RPS6KC1: variants seen among roughly 807,000 people sequenced by gnomAD.
The protein encoded by RPS6KC1 is inactive ribosomal protein S6 kinase delta-1.
RPS6KC1 carries 54 observed loss-of-function variants against 103.8 expected under a neutral mutation model. That is an observed-to-expected ratio of 0.52 (90% CI 0.42 to 0.65). RPS6KC1 has a LOEUF of 0.65. Among genes scored for constraint, RPS6KC1 ranks in the 30% least tolerant of loss-of-function variants. The pLI is 0.00. For missense variants in RPS6KC1, 1,151 were observed against 1,253.8 expected, an observed-to-expected ratio of 0.92 and a Z score of 1.24; for synonymous variants, 439 against 438.7, an observed-to-expected ratio of 1.00 and a Z score of -0.01.
the RPS6KC1 span, among the ~76,000 whole-genome samples, chr1:213,554,501 T>G: frequency 6.6e-6 from 1 of 152,234 alleles, no homozygotes; most frequent in Non-Finnish European, 1.5e-5. Context: ...ACTGGCTATT[T>G]GGGCACTTTT....
the RPS6KC1 span, among the ~76,000 whole-genome samples, chr1:213,677,903 G>A: frequency 6.6e-6 from 1 of 152,038 alleles, no homozygotes; most frequent in East Asian, 1.9e-4. Context: ...CTACTCGGGA[G>A]GCTGAGGCAG....
At chr1:213,417,007 G>C in the RPS6KC1 span, among the ~76,000 whole-genome samples, 189 of 152,282 alleles carry the variant, frequency 1.2e-3, no homozygotes, top group African/African-American at 4.3e-3. Flanking sequence ...TGTGCACTTT[G>C]GGGCAAAGTG....
the RPS6KC1 span, among the ~76,000 whole-genome samples, chr1:213,366,113 C>G: frequency 6.6e-6 from 1 of 152,244 alleles, no homozygotes; most frequent in Non-Finnish European, 1.5e-5. Context: ...GGGTCTCTCC[C>G]TGCTTGTCCA....
chr1:213,436,898 G>C, the RPS6KC1 span, among the ~76,000 whole-genome samples: 1 of 152,152 alleles, frequency 6.6e-6, no homozygotes, highest in African/African-American at 2.4e-5. Flanking sequence ...TATTTTATCT[G>C]TGGATTATTT....
At chr1:213,775,160 T>C in the RPS6KC1 span, among the ~76,000 whole-genome samples, 1 of 152,236 alleles carries the variant, frequency 6.6e-6, no homozygotes, top group South Asian at 2.1e-4. Context: ...CAATACATTG[T>C]GTATAATCCC....
the RPS6KC1 span, among the ~76,000 whole-genome samples, chr1:213,448,038 T>C: frequency 1.3e-5 from 2 of 151,932 alleles, no homozygotes; most frequent in East Asian, 3.9e-4. Context: ...GTTTGAGACC[T>C]GCCTGGGAAT....
intron 6 of RPS6KC1, among the ~76,000 whole-genome samples, chr1:213,152,283 T>C (rs1572872939): frequency 8.6e-6 from 1 of 116,136 alleles, no homozygotes; most frequent in Admixed American, 9.2e-5. Flanking sequence ...GGGGGGCTGA[T>C]CCCCCTACCT....
the RPS6KC1 span, among the ~76,000 whole-genome samples, chr1:213,622,576 G>A: frequency 1.3e-5 from 2 of 151,998 alleles, no homozygotes; most frequent in South Asian, 2.1e-4. Context: ...CACAGCTCAC[G>A]ACTCCTGAGC....
chr1:213,433,687 A>G, the RPS6KC1 span, among the ~76,000 whole-genome samples: 1 of 152,236 alleles, frequency 6.6e-6, no homozygotes, highest in African/African-American at 2.4e-5. Context: ...GTATAGTGCC[A>G]TCTCATTGTG....
At chr1:213,113,296 C>A (rs1368203373) in intron 4 of RPS6KC1, among the ~76,000 whole-genome samples, 1 of 152,014 alleles carries the variant, frequency 6.6e-6, no homozygotes, top group Non-Finnish European at 1.5e-5. Flanking sequence ...TTTTGATTTG[C>A]ATTTCTCTGA....
chr1:213,506,797 T>C, the RPS6KC1 span, among the ~76,000 whole-genome samples: 1 of 152,196 alleles, frequency 6.6e-6, no homozygotes, highest in African/African-American at 2.4e-5. Flanking sequence ...ATTGTGGCCT[T>C]AGATCAGTCC....
intron 9 of RPS6KC1, among the ~76,000 whole-genome samples, chr1:213,230,835 CAA>C (rs760471422): frequency 1.6e-4 from 9 of 54,686 alleles, no homozygotes; most frequent in Non-Finnish European, 2.4e-4. Flanking sequence ...GACCCTGTCT[CAA>C]AAAAAAAAAA....
the RPS6KC1 span, among the ~76,000 whole-genome samples, chr1:213,664,823 T>C: frequency 3.3e-5 from 5 of 152,324 alleles, no homozygotes; most frequent in Non-Finnish European, 7.4e-5. Flanking sequence ...TGATTGTTTT[T>C]AATGGTAAAA....
At chr1:213,722,108 AT>A in the RPS6KC1 span, among the ~76,000 whole-genome samples, 5 of 152,118 alleles carry the variant, frequency 3.3e-5, no homozygotes, top group African/African-American at 1.2e-4. Flanking sequence ...TGGAGTCTGC[AT>A]GTACTCCAGG....
intron 6 of RPS6KC1, 22 bp downstream of exon 6, chr1:213,129,911 G>A (rs1469394165): frequency 6.4e-7 from 1 of 1,551,946 alleles, no homozygotes; most frequent in African/African-American, 1.4e-5. Flanking sequence ...TGTATATTAT[G>A]TTTTGGCATG....
At chr1:213,232,664 A>G (rs950156676) in intron 10 of RPS6KC1, among the ~76,000 whole-genome samples, 7 of 152,202 alleles carry the variant, frequency 4.6e-5, no homozygotes, top group African/African-American at 9.6e-5. Context: ...TCCTTCTTTT[A>G]GAAGGCAAGG....
chr1:213,075,593 T>C (rs1285374915), intron 2 of RPS6KC1, among the ~76,000 whole-genome samples: 3 of 152,174 alleles, frequency 2.0e-5, no homozygotes, highest in African/African-American at 7.2e-5. Flanking sequence ...GTGTTGAAAA[T>C]TGAACCTCTT....
chr1:213,592,135 G>T, the RPS6KC1 span, among the ~76,000 whole-genome samples: 4 of 152,146 alleles, frequency 2.6e-5, no homozygotes, highest in Non-Finnish European at 5.9e-5. Flanking sequence ...AGACAATGAA[G>T]ATTGAAATAA....
chr1:213,407,663 T>C, the RPS6KC1 span, among the ~76,000 whole-genome samples: 42 of 152,360 alleles, frequency 2.8e-4, no homozygotes, highest in South Asian at 6.2e-3. Context: ...GCTCCTCTCA[T>C]ATACATTTTT....
Sources: allele counts gnomAD v4.1 joint callset (sites outside exome capture counted in the v4.1 genomes callset), GRCh38; gene constraint gnomAD v4.1.1; transcripts MANE v1.5; gene names NCBI Gene and HGNC (gene_info 2026-07-23, HGNC 2026-07-21).